Variants in SEMA3F observed in about 807,000 individuals in gnomAD.
SEMA3F encodes the protein semaphorin-3F.
A neutral mutation model predicts 98.5 loss-of-function variants in SEMA3F; 30 were observed. The observed-to-expected ratio is 0.30, with a 90% confidence interval of 0.23 to 0.41. The LOEUF (loss-of-function observed/expected upper bound fraction) is 0.41. Ranked by LOEUF, SEMA3F falls within the 10% of genes least tolerant of loss-of-function variation. The pLI is 1.00. For synonymous variants in SEMA3F, 380 were observed against 444.8 expected (o/e 0.85, Z 1.83); for missense variants, 866 against 1,119.3 (o/e 0.77, Z 3.23).
chr3:50,158,214 C>T lies in SEMA3F; in HGVS notation c.-48-1361C>T, dbSNP rs1348627240. Among the ~76,000 whole-genome samples, 2 of 152,238 alleles carry T rather than the reference C, an allele frequency of 1.3e-5. No individual in the cohort carries two copies. The highest frequency in any genetic ancestry group is 4.8e-5 in the African/African-American group (2 of 41,458). On this transcript the variant is annotated intron_variant, in intron 1 of 18. Transcript: ENST00000002829. This position sits in a 1 kb window ranked among gnomAD's most constrained non-coding sequence, Gnocchi z 4.8. ...CTGAGGAGGGGCTGGTTCTGATTCC[C>T]CCATCCCCCAGCTAGCCTCCCCAGG... is the stretch of plus-strand genomic sequence containing the variant.
chr3:50,178,039 C>G (rs910084346), intron 7 of SEMA3F, among the ~76,000 whole-genome samples: 1 of 151,988 alleles, frequency 6.6e-6, no homozygotes, highest in Non-Finnish European at 1.5e-5. Context: ...ATCAGGAGCT[C>G]GAGACCACCC....
In SEMA3F at chr3:50,183,669, G is replaced by A; in HGVS notation, c.1233+105G>A. 2.4e-6 allele frequency: 3 copies of A among 1,275,644 alleles called. No individual in the cohort carries two copies. The South Asian group carries it at 4.1e-5, about 17-fold the overall frequency. The allele number at this position is 1,275,644 out of a possible 1,614,324, so 79.0% of individuals were successfully genotyped here. ...CCCACCATCATGGCCCTCCCAGCCA[G>A]CGGAGGCGGTGAGCTGTAATGCACA... On this transcript the variant is annotated intron_variant, in intron 12 of 18. Coordinates refer to ENST00000002829, the MANE Select transcript of SEMA3F (RefSeq NM_004186.5).
intron 2 of SEMA3F, among the ~76,000 whole-genome samples, chr3:50,161,162 G>A (rs1029056372): frequency 2.6e-5 from 4 of 152,184 alleles, no homozygotes; most frequent in African/African-American, 7.2e-5. Flanking sequence ...GAAGGGAGGG[G>A]TGGCTTGGTC....
At position 50,174,255 on chromosome 3, in the gene SEMA3F, C is replaced by T. The variant is rs762907381; in HGVS notation, c.361C>T (p.Leu121Phe). Residue 121 changes from leucine to phenylalanine, a missense_variant, in exon 5 of 19, where the codon CTC (leucine) becomes TTC (phenylalanine). By Grantham distance (22) the Leu-to-Phe change is conservative. Around this residue, in one of 3 missense-constraint regions of SEMA3F, gnomAD observed 247 missense variants for 276.0 expected, o/e 0.89. Transcript: ENST00000002829. ...GGGCGAGTGTGGGAACTTCGTCAGG[C>T]TCATCCAGCCCTGGAACCGAACACA... ...VNGECGNFVRLIQPWNRTHLY... is the reference protein window; with the variant it reads ...VNGECGNFVRFIQPWNRTHLY... 1 of 1,613,762 alleles carries T rather than the reference C, an allele frequency of 6.2e-7. No individual in the cohort carries two copies. The highest frequency in any genetic ancestry group is 1.1e-5 in the South Asian group (1 of 91,090).
chr3:50,162,664 AG>A (rs1698254227), intron 2 of SEMA3F, among the ~76,000 whole-genome samples: 1 of 152,150 alleles, frequency 6.6e-6, no homozygotes, highest in South Asian at 2.1e-4. Flanking sequence ...GGGAGGTGTG[AG>A]GGCCCTGCCA....
intron 18 of SEMA3F, 115 bp from the exon 19 acceptor site, chr3:50,187,590 A>C: frequency 1.3e-6 from 1 of 745,732 alleles, no homozygotes; most frequent in Non-Finnish European, 2.1e-6. Flanking sequence ...GGCATATGGA[A>C]ATCCCACATG....
Position 50,159,651 on chromosome 3 carries a change from C to T in SEMA3F, c.29C>T (p.Ala10Val). The change falls in exon 2 of 19, where the codon GCT becomes GTT. Residue 10 changes from alanine to valine, a missense_variant. By Grantham distance (64) the Ala-to-Val change is moderately conservative. Coordinates refer to ENST00000002829, the MANE Select transcript of SEMA3F (RefSeq NM_004186.5). The part of the protein sequence containing the change: MLVAGLLLW[A>V]SLLTGAWPSF... ...CTTGTCGCCGGTCTTCTTCTCTGGG[C>T]TTCCCTACTGACCGGGGCCTGGCCA... The T allele has an allele frequency of 6.2e-7, 1 of 1,612,678 alleles. No homozygotes were observed. The highest frequency in any genetic ancestry group is 8.5e-7 in the Non-Finnish European group (1 of 1,179,360).
rs767248333 is a variant in SEMA3F, at chr3:50,186,762, CG to C, written c.1947+18del. 17 of 1,577,658 alleles carry C rather than the reference CG, an allele frequency of 1.1e-5. No individual in the cohort carries two copies. The highest frequency in any genetic ancestry group is 1.8e-5 in the Admixed American group (1 of 56,988). On this transcript the variant is annotated intron_variant, in intron 18 of 18. Transcript: ENST00000002829. Reference sequence around the variant, plus strand: ...GCGCCGAGAGGTGAGTTCCTGCGCCCGGTGCTGCACCGTGGATGTGAGTCCT... The same window carrying C: ...GCGCCGAGAGGTGAGTTCCTGCGCCCGTGCTGCACCGTGGATGTGAGTCCT...
chr3:50,183,283 G>A (rs748777825), intron 11 of SEMA3F, 28 bp downstream of exon 11: 3 of 1,611,618 alleles, frequency 1.9e-6, no homozygotes, highest in Non-Finnish European at 1.7e-6. Context: ...GCCAGCAGTG[G>A]CAGGGAGTGG....
chr3:50,182,948 A>G lies in SEMA3F; in HGVS notation c.948A>G (p.Thr316=), dbSNP rs767826938. 3 of 1,614,086 alleles carry G rather than the reference A, an allele frequency of 1.9e-6. No homozygotes were observed. Among genetic ancestry groups the G allele is most frequent in the South Asian group, 1.1e-5 (1 of 91,088 alleles). Residue 316 remains threonine, a synonymous_variant, in exon 10 of 19, where the codon ACA becomes ACG. Transcript: ENST00000002829. This position sits in a 1 kb window ranked among gnomAD's most constrained non-coding sequence, Gnocchi z 4.5. ...GTTGCCTGGTCAACAAGTGGAGCAC[A>G]TTCCTGAAGGCGCGGCTCGTCTGCT... The part of the protein sequence containing the change: ...GHCCLVNKWS[T]FLKARLVCSV...
rs1412768076 is a variant in SEMA3F, at chr3:50,187,743, C to T, written c.1986C>T (p.Gly662=). ...ACCGCTTCCTGCGCACAGAGCAGGGCTTGTTGCTCCGTGCACTGCAGCTCA... is the reference window on the plus strand; with the variant it reads ...ACCGCTTCCTGCGCACAGAGCAGGGTTTGTTGCTCCGTGCACTGCAGCTCA... The part of the protein sequence containing the change: ...AEDRFLRTEQ[G]LLLRALQLSD... Residue 662 remains glycine (G), a synonymous_variant, in exon 19 of 19, where the codon GGC becomes GGT. Coordinates refer to ENST00000002829, the MANE Select transcript of SEMA3F (RefSeq NM_004186.5). The T allele has an allele frequency of 5.0e-6, 8 of 1,611,426 alleles. No individual in the cohort carries two copies. The highest frequency in any genetic ancestry group is 6.8e-6 in the Non-Finnish European group (8 of 1,178,664).
chr3:50,160,093 T>A (rs1384507637), intron 2 of SEMA3F, among the ~76,000 whole-genome samples: 1 of 152,148 alleles, frequency 6.6e-6, no homozygotes, highest in Non-Finnish European at 1.5e-5. Context: ...TCCTTGCCAC[T>A]GCTATGCATC....
chr3:50,188,146 C>T lies in SEMA3F; in HGVS notation c.*31C>T. ...GCTGCCTGTGCCTGCCATGGGCCAG[C>T]CTAGCCCTTGTCCCTTTTAATATAA... On this transcript the variant is annotated 3_prime_UTR_variant, in exon 19 of 19. Coordinates refer to ENST00000002829, the MANE Select transcript of SEMA3F (RefSeq NM_004186.5). The surrounding 1 kb of genome is among the most constrained non-coding windows in gnomAD (Gnocchi z 4.5). The T allele has an allele frequency of 1.6e-5, 22 of 1,350,514 alleles. No homozygotes were observed. The highest frequency in any genetic ancestry group is 2.0e-5 in the Non-Finnish European group (21 of 1,037,426). The allele number at this position is 1,350,514 out of a possible 1,614,324, so 83.7% of individuals were successfully genotyped here.
Position 50,185,508 on chromosome 3 carries a change from C to G in SEMA3F, c.1522C>G (p.Leu508Val). 1 of 1,613,892 alleles carries G rather than the reference C, an allele frequency of 6.2e-7. No homozygotes were observed. Among genetic ancestry groups the G allele is most frequent in the South Asian group, 1.1e-5 (1 of 91,072 alleles). Residue 508 changes from leucine to valine, a missense_variant, in exon 14 of 19, where the codon CTG becomes GTG. Around this residue, in one of 3 missense-constraint regions of SEMA3F, gnomAD observed 374 missense variants for 582.8 expected, o/e 0.64. Coordinates refer to ENST00000002829, the MANE Select transcript of SEMA3F (RefSeq NM_004186.5). Reference sequence around the variant, plus strand: ...TGACCAGGAGTTGGAGGAGCTCATGCTGGAGGAGGTGGAGGTCTTCAAGGT... The same window carrying G: ...TGACCAGGAGTTGGAGGAGCTCATGGTGGAGGAGGTGGAGGTCTTCAAGGT... ...KDDQELEELM[L>V]EEVEVFKDPA...
intron 2 of SEMA3F, among the ~76,000 whole-genome samples, chr3:50,164,815 G>A (rs1698345195): frequency 6.6e-6 from 1 of 152,234 alleles, no homozygotes; most frequent in Non-Finnish European, 1.5e-5. Context: ...ATCTTGCTTG[G>A]TGAACATCAT....
At chr3:50,176,363 G>A (rs1177782486) in intron 6 of SEMA3F, among the ~76,000 whole-genome samples, 1 of 152,138 alleles carries the variant, frequency 6.6e-6, no homozygotes, top group Non-Finnish European at 1.5e-5. Flanking sequence ...GGTCTGCAGC[G>A]CTTTCTTGAC....
chr3:50,180,636 C>T (rs1038184861), intron 7 of SEMA3F, among the ~76,000 whole-genome samples: 16 of 152,174 alleles, frequency 1.1e-4, no homozygotes, highest in African/African-American at 3.9e-4. Context: ...GCAGTCAGAA[C>T]ACACACAGCA....
intron 2 of SEMA3F, among the ~76,000 whole-genome samples, chr3:50,163,722 G>C (rs549553493): frequency 2.9e-4 from 44 of 152,310 alleles, no homozygotes; most frequent in Non-Finnish European, 6.0e-4. Context: ...GGGCTTTGGT[G>C]GGGGAGGAGG....
Position 50,173,926 on chromosome 3 carries a change from G to T in SEMA3F, c.246G>T (p.Leu82=). 4 of 1,614,164 alleles carry T rather than the reference G, an allele frequency of 2.5e-6. No homozygotes were observed. The highest frequency in any genetic ancestry group is 3.4e-6 in the Non-Finnish European group (4 of 1,180,044). ...GSKDYVLSLD[L]HDINREPLII... ...AGGACTACGTGCTGTCCCTGGACCT[G>T]CACGACATCAACCGCGAGCCCCTCA... The change falls in exon 3 of 19, where the codon CTG becomes CTT. Residue 82 remains leucine (L), a synonymous_variant. Coordinates refer to ENST00000002829, the MANE Select transcript of SEMA3F (RefSeq NM_004186.5).
Sources: gnomAD v4.1 joint callset for allele counts (sites outside exome capture counted in the v4.1 genomes callset) on GRCh38, gnomAD v4.1.1 for gene constraint, gnomAD v4.1.1 regional missense constraint, Gnocchi (gnomAD v3.1) non-coding constraint, MANE v1.5 for transcripts, NCBI Gene and HGNC (gene_info 2026-07-23, HGNC 2026-07-21) for gene names.